RABGAP1: variants seen among roughly 807,000 people sequenced by gnomAD.
RABGAP1 encodes the protein RAB GTPase activating protein 1.
Under a neutral mutation model 137.6 loss-of-function variants are expected in RABGAP1, and 23 were observed. The ratio of observed to expected loss-of-function variants is 0.17; its 90% CI spans 0.12 to 0.24. The LOEUF is 0.24. Ranked by LOEUF, RABGAP1 falls within the 10% of genes least tolerant of loss-of-function variation. The probability of loss-of-function intolerance (pLI) is 1.00; values close to 1 mark genes in which losing one functional copy is unlikely to be tolerated. For synonymous variants in RABGAP1, 451 were observed against 450.7 expected, an observed-to-expected ratio of 1.00 and a Z score of -0.01; for missense variants, 906 against 1,275.8, an observed-to-expected ratio of 0.71 and a Z score of 4.42.
Position 123,070,742 on chromosome 9 carries a change from C to T in RABGAP1, c.1983+318C>T, listed in dbSNP as rs1169262999. The stretch of plus-strand genomic sequence containing the variant: ...TCTAAAGTAGCCGCTGTCATTAATA[C>T]TTGTTTTGAGATTTAGGTATTGGGG... On this transcript the variant is annotated intron_variant, in intron 15 of 25. Coordinates refer to ENST00000373647, the MANE Select transcript of RABGAP1 (RefSeq NM_012197.4). This position sits in a 1 kb window ranked among gnomAD's most constrained non-coding sequence, Gnocchi z 4.4. Among the ~76,000 whole-genome samples the T allele has an allele frequency of 6.6e-6, 1 of 152,166 alleles. No individual in the cohort carries two copies. The highest frequency in any genetic ancestry group is 2.4e-5 in the African/African-American group (1 of 41,446).
chr9:123,010,955 T>G (rs2030751128), intron 11 of RABGAP1, among the ~76,000 whole-genome samples: 1 of 151,908 alleles, frequency 6.6e-6, no homozygotes, highest in Non-Finnish European at 1.5e-5. Flanking sequence ...TACGTTTATA[T>G]ATTACTATGT....
intron 10 of RABGAP1, among the ~76,000 whole-genome samples, chr9:123,006,218 CT>C (rs2030247432): frequency 1.3e-5 from 2 of 152,082 alleles, no homozygotes; most frequent in Non-Finnish European, 2.9e-5. Flanking sequence ...TCAGTATTTT[CT>C]TTTAAACCTC....
chr9:122,967,653 AT>A (rs1350369151), intron 2 of RABGAP1, among the ~76,000 whole-genome samples: 4 of 152,130 alleles, frequency 2.6e-5, no homozygotes, highest in African/African-American at 7.2e-5. Context: ...TTCTACTTTG[AT>A]TAGTCATTTA....
chr9:122,982,851 C>T (rs1044900565), intron 2 of RABGAP1, among the ~76,000 whole-genome samples: 4 of 152,120 alleles, frequency 2.6e-5, no homozygotes, highest in Non-Finnish European at 5.9e-5. Context: ...CGCTGGGCAA[C>T]ATAGTGATAT....
intron 11 of RABGAP1, among the ~76,000 whole-genome samples, chr9:123,014,393 TAGAA>T (rs901283240): frequency 6.6e-6 from 1 of 152,198 alleles, no homozygotes; most frequent in African/African-American, 2.4e-5. Context: ...TTAGAAAATT[TAGAA>T]AGTCATAAAA....
At position 122,989,277 on chromosome 9, in the gene RABGAP1, G is replaced by C. The variant is rs1392033286; in HGVS notation, c.591-20G>C. On this transcript the variant is annotated intron_variant, in intron 4 of 25. Transcript: ENST00000373647. ...TGTTCATAATTCCTGTAATCTCTCT[G>C]TATCTTTTTCTCTGAACAGACTCTT... is the stretch of plus-strand genomic sequence containing the variant. 2 of 1,595,964 alleles carry C rather than the reference G, an allele frequency of 1.3e-6. No homozygotes were observed. Among genetic ancestry groups the C allele is most frequent in the Admixed American group, 3.3e-5 (2 of 59,746 alleles).
chr9:123,035,631 G>A (rs776424717), intron 13 of RABGAP1: 3 of 1,444,910 alleles, frequency 2.1e-6, no homozygotes, highest in Middle Eastern at 1.9e-4. Flanking sequence ...GCTCAGTTAC[G>A]GGGTTCCCGT....
chr9:122,958,891 C>T (rs1021468134), intron 2 of RABGAP1, among the ~76,000 whole-genome samples: 4 of 151,924 alleles, frequency 2.6e-5, no homozygotes, highest in African/African-American at 9.7e-5. Context: ...CACCTTCAGT[C>T]CCCACTACTT....
At chr9:122,960,928 AAAAG>A (rs1242475853) in intron 2 of RABGAP1, among the ~76,000 whole-genome samples, 3 of 152,212 alleles carry the variant, frequency 2.0e-5, no homozygotes, top group Non-Finnish European at 4.4e-5. Context: ...TTCAACTGGC[AAAAG>A]AAAGAGTTAA....
chr9:122,953,082 C>T lies in RABGAP1; in HGVS notation c.-49-3929C>T, dbSNP rs1588159947. On this transcript the variant is annotated intron_variant, in intron 1 of 25. Transcript: ENST00000373647. ...GAAATTAATTTATTTATTTTTTCCT[C>T]AGTAATGTGTTTCCCGACTAACAAT... Among the ~76,000 whole-genome samples, 4 of 152,266 alleles carry T rather than the reference C, an allele frequency of 2.6e-5. No homozygotes were observed. The South Asian group carries it at 8.3e-4, about 32-fold the overall frequency.
intron 13 of RABGAP1, chr9:123,029,624 G>A: frequency 1.4e-6 from 1 of 732,206 alleles, no homozygotes; most frequent in East Asian, 2.8e-5. Flanking sequence ...AAGGTATTGA[G>A]CTTGTCCCTA....
At chr9:122,948,042 A>AACACAC (rs55683114) in intron 1 of RABGAP1, among the ~76,000 whole-genome samples, 2,659 of 145,940 alleles carry the variant, frequency 0.018, 43 homozygotes, top group East Asian at 0.069. Flanking sequence ...GAGCCAGGAA[A>AACACAC]ACACACACAC....
the RABGAP1 span, among the ~76,000 whole-genome samples, chr9:122,933,309 C>T: frequency 2.0e-5 from 3 of 151,892 alleles, no homozygotes; most frequent in Non-Finnish European, 2.9e-5. Context: ...TTGTAATGAG[C>T]CTTTTATTAA....
intron 2 of RABGAP1, among the ~76,000 whole-genome samples, chr9:122,984,126 A>G (rs1218309151): frequency 6.6e-6 from 1 of 152,226 alleles, no homozygotes; most frequent in Non-Finnish European, 1.5e-5. Context: ...TAGAGGAGAC[A>G]CTAAGATGTT....
intron 13 of RABGAP1, chr9:123,034,538 T>G: frequency 6.9e-7 from 1 of 1,440,126 alleles, no homozygotes; most frequent in Non-Finnish European, 9.5e-7. Context: ...AGCGGCAGCA[T>G]GAAGTGACAG....
chr9:123,044,258 T>C (rs2033098565), intron 13 of RABGAP1, among the ~76,000 whole-genome samples: 1 of 152,168 alleles, frequency 6.6e-6, no homozygotes. Context: ...GAGATGTATT[T>C]TAACAGAAGT....
rs1010296049 is a variant in RABGAP1, at chr9:122,969,168, C to T, written c.150+11959C>T. 2.6e-5 allele frequency among the ~76,000 whole-genome samples: 4 copies of T among 151,838 alleles called. No homozygotes were observed. In the East Asian group the frequency reaches 7.7e-4, roughly 29 times the overall value. The stretch of plus-strand genomic sequence containing the variant: ...GATATGTTTAATACATGCATACTTA[C>T]CATTGTGTTAGAATTGCCTACAGTA... On this transcript the variant is annotated intron_variant, in intron 2 of 25. Transcript: ENST00000373647.
intron 2 of RABGAP1, among the ~76,000 whole-genome samples, chr9:122,966,688 C>G (rs1835169518): frequency 6.6e-6 from 1 of 152,060 alleles, no homozygotes; most frequent in Admixed American, 6.5e-5. Flanking sequence ...AGAAAGAACT[C>G]TTGAGATATA....
intron 10 of RABGAP1, among the ~76,000 whole-genome samples, chr9:123,002,962 C>G (rs1269907475): frequency 6.6e-6 from 1 of 152,042 alleles, no homozygotes; most frequent in Non-Finnish European, 1.5e-5. Context: ...CGATGATAAT[C>G]TTTTATTTTT....
Sources: allele counts gnomAD v4.1 joint callset (sites outside exome capture counted in the v4.1 genomes callset), GRCh38; gene constraint gnomAD v4.1.1; non-coding constraint Gnocchi (gnomAD v3.1); transcripts MANE v1.5; gene names NCBI Gene and HGNC (gene_info 2026-07-23, HGNC 2026-07-21).